The following CWF19L2 variants were observed in gnomAD, a reference collection of about 807,000 sequenced individuals.
The protein encoded by CWF19L2 is CWF19-like protein 2.
Under a neutral mutation model 111.7 loss-of-function variants are expected in CWF19L2, and 98 were observed. The observed-to-expected ratio is 0.88, with a 90% CI of 0.75 to 1.04. The LOEUF is 1.04. CWF19L2 is among the 50% of genes least tolerant of loss of function. CWF19L2 has a pLI of 0.00. For missense variants in CWF19L2, 1,101 were observed against 1,051.4 expected (o/e 1.05, Z -0.65); for synonymous variants, 351 against 342.9 (o/e 1.02, Z -0.26).
chr11:107,354,543 T>A (rs192978290), intron 12 of CWF19L2, among the ~76,000 whole-genome samples: 1 of 152,330 alleles, frequency 6.6e-6, no homozygotes, highest in Admixed American at 6.5e-5. Flanking sequence ...AATATTTGCA[T>A]ATATATAGTA....
At chr11:107,354,311 A>G (rs1416264461) in intron 12 of CWF19L2, among the ~76,000 whole-genome samples, 3 of 152,224 alleles carry the variant, frequency 2.0e-5, no homozygotes, top group African/African-American at 7.2e-5. Flanking sequence ...ATACATACAT[A>G]AAGTCATAAT....
chr11:107,457,625 G>GT, intron 1 of CWF19L2, 87 bp downstream of exon 1: 1 of 938,910 alleles, frequency 1.1e-6, no homozygotes, highest in Non-Finnish European at 1.7e-6. Flanking sequence ...TACTGACGAG[G>GT]TAAGGGAAGG....
chr11:107,430,252 G>C (rs1439267365), intron 7 of CWF19L2, among the ~76,000 whole-genome samples: 2 of 151,252 alleles, frequency 1.3e-5, no homozygotes, highest in African/African-American at 4.9e-5. Flanking sequence ...CAGGGAAGGA[G>C]TGAATAAGTG....
At chr11:107,401,867 C>G (rs1861004393) in intron 10 of CWF19L2, among the ~76,000 whole-genome samples, 1 of 152,152 alleles carries the variant, frequency 6.6e-6, no homozygotes. Context: ...CAGCATGGTA[C>G]TGGTATAAAA....
intron 12 of CWF19L2, among the ~76,000 whole-genome samples, chr11:107,369,588 T>C (rs1187864930): frequency 7.2e-6 from 1 of 138,420 alleles, no homozygotes; most frequent in East Asian, 2.1e-4. Context: ...CTACTAATTC[T>C]CATTTGTATA....
At position 107,368,175 on chromosome 11, in the gene CWF19L2, T is replaced by C. The variant is rs1860460790; in HGVS notation, c.1873-14439A>G. 1.6e-5 allele frequency among the ~76,000 whole-genome samples: 2 copies of C among 126,562 alleles called. 1 individual carries two copies. The highest frequency in any genetic ancestry group is 3.3e-5 in the Non-Finnish European group (2 of 60,326). The allele number at this position is 126,562 out of a possible 152,430, so 83.0% of individuals were successfully genotyped here. A position where few individuals can be genotyped will look rare whatever the true frequency, so the allele number is the denominator to read the frequency against. ...AGATAAAAAGTTGACTCTGAAAAGA[T>C]AAACAAAATTGACAAACTGCTAGCT... is the stretch of plus-strand genomic sequence containing the variant. On this transcript the variant is annotated intron_variant, in intron 12 of 17. Coordinates refer to ENST00000282251, the MANE Select transcript of CWF19L2 (RefSeq NM_152434.3).
chr11:107,445,118 G>A (rs1277916242), intron 3 of CWF19L2, among the ~76,000 whole-genome samples: 3 of 152,148 alleles, frequency 2.0e-5, no homozygotes, highest in Non-Finnish European at 4.4e-5. Flanking sequence ...AATGAAAAAT[G>A]GCAAGAAAAT....
intron 3 of CWF19L2, among the ~76,000 whole-genome samples, chr11:107,447,145 A>C (rs181438170): frequency 4.6e-4 from 70 of 152,320 alleles, no homozygotes; most frequent in Non-Finnish European, 1.8e-4. Context: ...TTGGAATAAA[A>C]ATGAAACTAC....
chr11:107,379,151 A>T (rs988838680), intron 12 of CWF19L2, among the ~76,000 whole-genome samples: 1 of 152,258 alleles, frequency 6.6e-6, no homozygotes, highest in African/African-American at 2.4e-5. Flanking sequence ...AGAGACAATT[A>T]TAAGTATTAT....
At chr11:107,391,317 T>C (rs1372942943) in intron 11 of CWF19L2, among the ~76,000 whole-genome samples, 1 of 152,210 alleles carries the variant, frequency 6.6e-6, no homozygotes, top group East Asian at 1.9e-4. Flanking sequence ...GTTCTCTCTC[T>C]CTTTTTTCTC....
At chr11:107,420,024 C>T (rs1004397265) in intron 8 of CWF19L2, among the ~76,000 whole-genome samples, 1 of 151,166 alleles carries the variant, frequency 6.6e-6, no homozygotes, top group South Asian at 2.1e-4. Context: ...AAAGACAAAG[C>T]AACCACTATT....
intron 12 of CWF19L2, among the ~76,000 whole-genome samples, chr11:107,362,742 T>G (rs1056885529): frequency 6.6e-6 from 1 of 151,018 alleles, no homozygotes; most frequent in Non-Finnish European, 1.5e-5. Context: ...ACAGAAAAAC[T>G]GGAAACTCTA....
rs554602940 is a variant in CWF19L2 at position 107,398,643 on chromosome 11, T to C, written c.1618-5748A>G. On this transcript the variant is annotated intron_variant, in intron 10 of 17. Coordinates refer to ENST00000282251, the MANE Select transcript of CWF19L2 (RefSeq NM_152434.3). ...TAATCAAGGAAAACTTTCCCAGCCT[T>C]GTGAGAGACGTAGACAGCCAAATAC... Among the ~76,000 whole-genome samples, 4 of 152,260 alleles carry C rather than the reference T, an allele frequency of 2.6e-5. No individual in the cohort carries two copies. In the East Asian group the frequency reaches 7.7e-4, roughly 29 times the overall value.
chr11:107,428,809 T>C lies in CWF19L2; in HGVS notation c.1423A>G (p.Thr475Ala), dbSNP rs746955954. 3 of 1,602,912 alleles carry C rather than the reference T, an allele frequency of 1.9e-6. No homozygotes were observed. The highest frequency in any genetic ancestry group is 1.4e-5 in the African/African-American group (1 of 74,054). ...AAAATGATAAAATACCCAGCAAATG[T>C]AGACTTTGTATCCCGTAGATGTTCT... ...KKEHLRDTKS[T>A]FAGSPERESI... is the part of the protein sequence containing the mutation. Residue 475 changes from threonine to alanine, a missense_variant, in exon 8 of 18, where the codon ACA (threonine) becomes GCA (alanine). Physicochemically the swap from Thr to Ala is moderately conservative, Grantham distance 58. Transcript: ENST00000282251.
In CWF19L2 at chr11:107,455,748, C is replaced by A; in HGVS notation, c.134G>T (p.Arg45Met). 1 of 1,550,740 alleles carries A rather than the reference C, an allele frequency of 6.4e-7. No homozygotes were observed. The highest frequency in any genetic ancestry group is 8.7e-7 in the Non-Finnish European group (1 of 1,146,534). Reference protein sequence around the residue: ...QAKANFEKEERRKELKRLRGE... With the variant: ...QAKANFEKEEMRKELKRLRGE... The stretch of plus-strand genomic sequence containing the variant: ...CCGAAGTCGCTTAAGTTCTTTACGC[C>A]TTTCTTCTTTTTCAAAATTGGCTTT... Residue 45 changes from arginine (R) to methionine (M), a missense_variant, in exon 2 of 18, where the codon AGG becomes ATG. By Grantham distance (91) the Arg-to-Met change is moderately conservative. Transcript: ENST00000282251.
In CWF19L2 at chr11:107,433,612, T is replaced by A. The variant is rs768464535; in HGVS notation, c.780+22A>T. On this transcript the variant is annotated intron_variant, in intron 7 of 17. Transcript: ENST00000282251. ...CACCTAATTCTGAAAATAAGAGGCA[T>A]CTCCTTAAAACAGATACTCACCCCA... 2.9e-5 allele frequency: 33 copies of A among 1,144,278 alleles called. No individual in the cohort carries two copies. The Admixed American group carries it at 7.3e-4, about 25-fold the overall frequency. 70.9% of individuals were successfully genotyped at this position (1,144,278 alleles called of 1,614,324 possible). A position where few individuals can be genotyped will look rare whatever the true frequency, so the allele number is the denominator to read the frequency against.
rs561972150 is a variant in CWF19L2 at position 107,350,558 on chromosome 11, A to G, written c.2086-1505T>C. On this transcript the variant is annotated intron_variant, in intron 13 of 17. Coordinates refer to ENST00000282251, the MANE Select transcript of CWF19L2 (RefSeq NM_152434.3). ...GGGACCTCACACTGAATCTGCTAGC[A>G]CCGATCTTGGACTTCCCAGCCTCCA... 2.6e-5 allele frequency among the ~76,000 whole-genome samples: 4 copies of G among 152,242 alleles called. No individual in the cohort carries two copies. The South Asian group carries it at 8.3e-4, about 32-fold the overall frequency.
At chr11:107,451,949 A>G (rs1158308347) in intron 3 of CWF19L2, among the ~76,000 whole-genome samples, 1 of 152,210 alleles carries the variant, frequency 6.6e-6, no homozygotes, top group Non-Finnish European at 1.5e-5. Flanking sequence ...AAAGGCATAC[A>G]TGAAAGTCCC....
rs1174145963 is a variant in CWF19L2 at position 107,375,441 on chromosome 11, C to G, written c.1872+14633G>C. 3.6e-5 allele frequency among the ~76,000 whole-genome samples: 5 copies of G among 139,136 alleles called. 2 individuals carry two copies. The highest frequency in any genetic ancestry group is 1.4e-4 in the African/African-American group (5 of 35,840). The allele number at this position is 139,136 out of a possible 152,430, so 91.3% of individuals were successfully genotyped here. On this transcript the variant is annotated intron_variant, in intron 12 of 17. Coordinates refer to ENST00000282251, the MANE Select transcript of CWF19L2 (RefSeq NM_152434.3). ...ATTCTCTCTCAGACCACAGTGCAATCAAACTAGAACTCAGGATTAAGAATC... is the reference window on the plus strand; with the variant it reads ...ATTCTCTCTCAGACCACAGTGCAATGAAACTAGAACTCAGGATTAAGAATC...
Sources: allele counts gnomAD v4.1 joint callset (sites outside exome capture counted in the v4.1 genomes callset), GRCh38; gene constraint gnomAD v4.1.1; transcripts MANE v1.5; gene names NCBI Gene and HGNC (gene_info 2026-07-23, HGNC 2026-07-21).